Variants in CYTH1 observed in about 807,000 individuals in gnomAD.
The protein encoded by CYTH1 is cytohesin 1, also known as cytohesin-1.
Under a neutral mutation model 61.8 loss-of-function variants are expected in CYTH1, and 18 were observed. That is an observed-to-expected ratio of 0.29 (90% CI 0.20 to 0.43). The LOEUF is 0.43. CYTH1 is among the 20% of genes least tolerant of loss of function. The probability of loss-of-function intolerance (pLI) is 1.00; values close to 1 mark genes in which losing one functional copy is unlikely to be tolerated. For synonymous variants in CYTH1, 174 were observed against 184.3 expected, an observed-to-expected ratio of 0.94 and a Z score of 0.45; for missense variants, 336 against 510.5, an observed-to-expected ratio of 0.66 and a Z score of 3.29.
chr17:78,705,495 A>G (rs1323014806), intron 3 of CYTH1, among the ~76,000 whole-genome samples: 1 of 152,218 alleles, frequency 6.6e-6, no homozygotes, highest in African/African-American at 2.4e-5. Context: ...CATTTCAGAA[A>G]GTGAAATCCT....
intron 10 of CYTH1, 98 bp from the exon 11 acceptor site, chr17:78,692,591 G>C: frequency 8.7e-7 from 1 of 1,150,832 alleles, no homozygotes; most frequent in Non-Finnish European, 1.3e-6. Flanking sequence ...AGAGGGTTGG[G>C]GGAGAGGCAT....
At chr17:78,739,141 C>T (rs1015796276) in intron 1 of CYTH1, among the ~76,000 whole-genome samples, 2 of 152,196 alleles carry the variant, frequency 1.3e-5, no homozygotes. Context: ...TATTGCTTAT[C>T]ATTTTTTAAA....
At chr17:78,760,576 C>T (rs12325862) in intron 1 of CYTH1, among the ~76,000 whole-genome samples, 4 of 24,880 alleles carry the variant, frequency 1.6e-4, no homozygotes, top group Admixed American at 5.4e-4. Context: ...TATACACATA[C>T]ATATATATGT....
rs570779587 is a variant in CYTH1 at position 78,700,844 on chromosome 17, C to T, written c.438-401G>A. On this transcript the variant is annotated intron_variant, in intron 6 of 13. Transcript: ENST00000446868. The surrounding 1 kb of genome is among the most constrained non-coding windows in gnomAD (Gnocchi z 5.1). Reference sequence around the variant, plus strand: ...CTGACCACTGCCAATGATTTTTTAACATCAAAGTGCAAAGGGAACCCTGCT... The same window carrying T: ...CTGACCACTGCCAATGATTTTTTAATATCAAAGTGCAAAGGGAACCCTGCT... Among the ~76,000 whole-genome samples the T allele has an allele frequency of 2.0e-5, 3 of 152,092 alleles. No homozygotes were observed. Among genetic ancestry groups the T allele is most frequent in the Non-Finnish European group, 4.4e-5 (3 of 68,004 alleles).
At chr17:78,748,076 C>T (rs1367747571) in intron 1 of CYTH1, among the ~76,000 whole-genome samples, 1 of 152,114 alleles carries the variant, frequency 6.6e-6, no homozygotes, top group Non-Finnish European at 1.5e-5. Context: ...GAACCCTACC[C>T]ATTATTCAAA....
intron 1 of CYTH1, among the ~76,000 whole-genome samples, chr17:78,763,071 C>T (rs2093434890): frequency 6.6e-6 from 1 of 152,118 alleles, no homozygotes; most frequent in Non-Finnish European, 1.5e-5. Context: ...TGGCCAGGCA[C>T]GGTGGCTCAC....
rs764337441 is a variant in CYTH1 at position 78,698,811 on chromosome 17, C to A, written c.699+9G>T. 4 of 1,563,802 alleles carry A rather than the reference C, an allele frequency of 2.6e-6. No individual in the cohort carries two copies. The South Asian group carries it at 4.9e-5, about 19-fold the overall frequency. ...TTGACTTGAATGAAGACCATTCTTCCTTGCTTACCCGGAGGAGCTCCTCCG... is the reference window on the plus strand; with the variant it reads ...TTGACTTGAATGAAGACCATTCTTCATTGCTTACCCGGAGGAGCTCCTCCG... On this transcript the variant is annotated intron_variant, in intron 8 of 13. Coordinates refer to ENST00000446868, the MANE Select transcript of CYTH1 (RefSeq NM_004762.6).
intron 1 of CYTH1, 76 bp from the exon 2 acceptor site, chr17:78,709,808 A>C: frequency 7.5e-7 from 1 of 1,326,302 alleles, no homozygotes; most frequent in Non-Finnish European, 1.1e-6. Flanking sequence ...AGGCCACAAA[A>C]GGAGAAAGAT....
At chr17:78,744,594 G>C (rs1440536227) in intron 1 of CYTH1, among the ~76,000 whole-genome samples, 1 of 152,082 alleles carries the variant, frequency 6.6e-6, no homozygotes, top group Non-Finnish European at 1.5e-5. Flanking sequence ...AAAACATAGA[G>C]GTATACTATT....
intron 1 of CYTH1, among the ~76,000 whole-genome samples, chr17:78,780,182 GA>G (rs945911872): frequency 2.0e-5 from 3 of 152,216 alleles, no homozygotes; most frequent in Admixed American, 6.5e-5. Flanking sequence ...TGGAGGGGCT[GA>G]ACAATCTTTT....
intron 11 of CYTH1, among the ~76,000 whole-genome samples, chr17:78,686,581 C>A (rs1385616651): frequency 3.9e-5 from 6 of 152,090 alleles, no homozygotes; most frequent in African/African-American, 1.4e-4. Flanking sequence ...ATCGAAGATA[C>A]TCCCCGAGTT....
intron 3 of CYTH1, 31 bp downstream of exon 3, chr17:78,708,166 C>G (rs1181579776): frequency 1.9e-6 from 3 of 1,613,232 alleles, no homozygotes; most frequent in Non-Finnish European, 2.5e-6. Context: ...ATTACAACCA[C>G]AGAAGCCACC....
chr17:78,688,925 C>A (rs900999239), intron 11 of CYTH1, among the ~76,000 whole-genome samples: 1 of 152,124 alleles, frequency 6.6e-6, no homozygotes, highest in African/African-American at 2.4e-5. Context: ...TGTTGGCAGT[C>A]TTGGCGTGTT....
In CYTH1 at chr17:78,760,501, ATATATG is replaced by A. The variant is rs1336081124; in HGVS notation, c.22+21695_22+21700del. Among the ~76,000 whole-genome samples, 188 of 44,958 alleles carry A rather than the reference ATATATG, an allele frequency of 4.2e-3. 25 individuals carry two copies. Among genetic ancestry groups the A allele is most frequent in the African/African-American group, 0.019 (173 of 9,006 alleles). The allele number at this position is 44,958 out of a possible 152,430, so 29.5% of individuals were successfully genotyped here. ...TATATGTATGTATATATATATACAT[ATATATG>A]TATATATATGTATATATATATATAC... On this transcript the variant is annotated intron_variant, in intron 1 of 13. Transcript: ENST00000446868.
chr17:78,690,393 CAAAAAAAAAAAAAAAAAAAAAAAAA>C (rs60663636), intron 11 of CYTH1, among the ~76,000 whole-genome samples: 3 of 28,314 alleles, frequency 1.1e-4, no homozygotes, highest in Admixed American at 5.5e-4. Flanking sequence ...GACTCCATCT[CAAAAAAAAAAAAAAAAAAAAAAAAA>C]AAAAAAAAAA....
chr17:78,779,787 C>A (rs2093509310), intron 1 of CYTH1, among the ~76,000 whole-genome samples: 1 of 152,210 alleles, frequency 6.6e-6, no homozygotes, highest in Non-Finnish European at 1.5e-5. Flanking sequence ...CCAGAAAGAA[C>A]CAGCCTGTCC....
At chr17:78,731,628 G>A (rs1305561231) in intron 1 of CYTH1, among the ~76,000 whole-genome samples, 2 of 151,774 alleles carry the variant, frequency 1.3e-5, no homozygotes, top group African/African-American at 4.8e-5. Flanking sequence ...AGTGGTGGCG[G>A]GCGCCTGTAG....
At position 78,701,729 on chromosome 17, in the gene CYTH1, G is replaced by C. The variant is rs1266172190; in HGVS notation, c.379C>G (p.Leu127Val). The C allele has an allele frequency of 6.2e-7, 1 of 1,614,186 alleles. No homozygotes were observed. Among genetic ancestry groups the C allele is most frequent in the East Asian group, 2.2e-5 (1 of 44,884 alleles). Residue 127 changes from leucine to valine, a missense_variant, in exon 6 of 14, where the codon CTT becomes GTT. Around this residue, in one of 4 missense-constraint regions of CYTH1, gnomAD observed 125 missense variants for 209.9 expected, o/e 0.60. Transcript: ENST00000446868. ...TCATGCAGCTCCACAAATGCATGAA[G>C]AACCTGGATATTAAACTCATCTCTA... ...GERDEFNIQVLHAFVELHEFT... is the reference protein window; with the variant it reads ...GERDEFNIQVVHAFVELHEFT...
chr17:78,736,244 G>A (rs911427394), intron 1 of CYTH1, among the ~76,000 whole-genome samples: 1 of 152,220 alleles, frequency 6.6e-6, no homozygotes, highest in South Asian at 2.1e-4. Context: ...CAGAAGTTCT[G>A]ACCAACTGTT....
Sources: gnomAD v4.1 joint callset for allele counts (sites outside exome capture counted in the v4.1 genomes callset) on GRCh38, gnomAD v4.1.1 for gene constraint, gnomAD v4.1.1 regional missense constraint, Gnocchi (gnomAD v3.1) non-coding constraint, MANE v1.5 for transcripts, NCBI Gene and HGNC (gene_info 2026-07-23, HGNC 2026-07-21) for gene names.